Variants in UBR2 observed in about 807,000 individuals in gnomAD.
The protein encoded by UBR2 is E3 ubiquitin-protein ligase UBR2.
UBR2 carries 92 observed loss-of-function variants against 247.9 expected under a neutral mutation model. The ratio of observed to expected loss-of-function variants is 0.37; its 90% CI spans 0.31 to 0.44. The LOEUF (loss-of-function observed/expected upper bound fraction) is 0.44, where lower values mean the gene tolerates loss of function less well. UBR2 is among the 20% of genes least tolerant of loss of function. UBR2 has a pLI of 1.00. For missense variants in UBR2, 1,613 were observed against 2,112.6 expected (o/e 0.76, Z 4.64); for synonymous variants, 672 against 693.5 (o/e 0.97, Z 0.49).
intron 2 of UBR2, among the ~76,000 whole-genome samples, chr6:42,585,690 C>A (rs749632014): frequency 5.9e-5 from 9 of 152,060 alleles, no homozygotes; most frequent in Non-Finnish European, 1.2e-4. Flanking sequence ...GAATATATTT[C>A]ATCATATAAT....
At chr6:42,633,012 C>A (rs2151951599) in intron 13 of UBR2, 108 bp downstream of exon 13, 1 of 701,216 alleles carries the variant, frequency 1.4e-6, no homozygotes, top group Non-Finnish European at 2.1e-6. Flanking sequence ...GGGGGTCTCA[C>A]TGTGTTGCCC....
Position 42,573,672 on chromosome 6 carries a change from G to C in UBR2, c.79-62G>C, listed in dbSNP as rs961133673. 5.6e-6 allele frequency: 8 copies of C among 1,416,028 alleles called. No individual in the cohort carries two copies. The African/African-American group carries it at 1.2e-4, about 21-fold the overall frequency. 87.7% of individuals were successfully genotyped at this position (1,416,028 alleles called of 1,614,324 possible). A position where few individuals can be genotyped will look rare whatever the true frequency, so the allele number is the denominator to read the frequency against. On this transcript the variant is annotated intron_variant, in intron 1 of 46. Transcript: ENST00000372901. ...TTTTGTACCTAAAAGAAAGTAGGGTGAATTTGTTCAAATTAGTTTGTTGGT... is the reference window on the plus strand; with the variant it reads ...TTTTGTACCTAAAAGAAAGTAGGGTCAATTTGTTCAAATTAGTTTGTTGGT...
In UBR2 at chr6:42,644,551, TTTGAGGCA is replaced by T. The variant is rs750250380; in HGVS notation, c.2284+18_2284+25del. ...AATGCTTGTTGGTAAGTTTAAATTG[TTTGAGGCA>T]TTTAATAAATTACACTGACGTTTAT... On this transcript the variant is annotated intron_variant, in intron 20 of 46. Coordinates refer to ENST00000372901, the MANE Select transcript of UBR2 (RefSeq NM_001363705.2). 6 of 1,594,566 alleles carry T rather than the reference TTTGAGGCA, an allele frequency of 3.8e-6. No individual in the cohort carries two copies. The African/African-American group carries it at 8.1e-5, about 21-fold the overall frequency.
Position 42,631,872 on chromosome 6 carries a change from A to T in UBR2, c.1282-680A>T, listed in dbSNP as rs1349144316. On this transcript the variant is annotated intron_variant, in intron 11 of 46. Transcript: ENST00000372901. ...ATATACTCTGATTTTATATATATAT[A>T]TATATATATATATATATAAATACAG... Among the ~76,000 whole-genome samples, 167 of 133,522 alleles carry T rather than the reference A, an allele frequency of 1.3e-3. 2 individuals are homozygous for T. In the South Asian group the frequency reaches 0.033, roughly 27 times the overall value. 87.6% of individuals were successfully genotyped at this position (133,522 alleles called of 152,430 possible). A position where few individuals can be genotyped will look rare whatever the true frequency, so the allele number is the denominator to read the frequency against.
rs753657990 is a variant in UBR2 at position 42,642,499 on chromosome 6, T to C, written c.2097+18T>C. On this transcript the variant is annotated intron_variant, in intron 18 of 46. Coordinates refer to ENST00000372901, the MANE Select transcript of UBR2 (RefSeq NM_001363705.2). Reference sequence around the variant, plus strand: ...TGCTTCAGGTAATGAATTAAAAGCATTGAACTTAAAGGTTGTGGGGAATCT... The same window carrying C: ...TGCTTCAGGTAATGAATTAAAAGCACTGAACTTAAAGGTTGTGGGGAATCT... 1.9e-6 allele frequency: 3 copies of C among 1,597,554 alleles called. No homozygotes were observed. Among genetic ancestry groups the C allele is most frequent in the African/African-American group, 1.3e-5 (1 of 74,372 alleles).
In UBR2 at chr6:42,641,504, C is replaced by A. The variant is rs746565366; in HGVS notation, c.1921-78C>A. 5 of 1,021,136 alleles carry A rather than the reference C, an allele frequency of 4.9e-6. No homozygotes were observed. In the African/African-American group the frequency reaches 5.1e-5, roughly 10 times the overall value. The allele number at this position is 1,021,136 out of a possible 1,614,324, so 63.3% of individuals were successfully genotyped here. On this transcript the variant is annotated intron_variant, in intron 16 of 46. Coordinates refer to ENST00000372901, the MANE Select transcript of UBR2 (RefSeq NM_001363705.2). ...GTTTTATAAAAGCATTTATCTCTAT[C>A]GACCAAACTTCTTTTTAGAACTGAT...
intron 32 of UBR2, among the ~76,000 whole-genome samples, chr6:42,664,681 A>G (rs192690446): frequency 6.6e-6 from 1 of 152,240 alleles, no homozygotes; most frequent in Non-Finnish European, 1.5e-5. Context: ...ACTTATCTGC[A>G]TTTGAACTGA....
intron 30 of UBR2, among the ~76,000 whole-genome samples, chr6:42,661,387 C>A (rs1457432095): frequency 6.6e-6 from 1 of 152,096 alleles, no homozygotes; most frequent in Non-Finnish European, 1.5e-5. Flanking sequence ...GAAGAAAAAG[C>A]ATTAGCTGGC....
chr6:42,620,506 G>GTTTTTTT (rs1053036634), intron 11 of UBR2, among the ~76,000 whole-genome samples: 2 of 111,184 alleles, frequency 1.8e-5, no homozygotes, highest in East Asian at 5.6e-4. Flanking sequence ...TTTTGTTTTT[G>GTTTTTTT]TTTTTTTTTA....
chr6:42,575,130 C>T (rs776728643), intron 2 of UBR2, among the ~76,000 whole-genome samples: 14 of 152,200 alleles, frequency 9.2e-5, no homozygotes, highest in Non-Finnish European at 8.8e-5. Flanking sequence ...CATAGCTTAA[C>T]ATCTTTCCGT....
At chr6:42,685,014 G>T in intron 44 of UBR2, 143 bp downstream of exon 44, 1 of 653,004 alleles carries the variant, frequency 1.5e-6, no homozygotes, top group Non-Finnish European at 2.4e-6. Context: ...GAGAAAAAAG[G>T]AAAAAAAGAA....
chr6:42,679,208 C>T (rs960441372), intron 41 of UBR2, among the ~76,000 whole-genome samples: 1 of 152,204 alleles, frequency 6.6e-6, no homozygotes, highest in Non-Finnish European at 1.5e-5. Flanking sequence ...TGGCACTGGC[C>T]GTAGAGTACC....
intron 7 of UBR2, among the ~76,000 whole-genome samples, chr6:42,608,917 T>A (rs1793889206): frequency 1.3e-5 from 2 of 152,244 alleles, no homozygotes; most frequent in Admixed American, 6.5e-5. Context: ...TTGTATGTTT[T>A]ATGACTTGTT....
At chr6:42,608,162 G>A (rs1793837769) in intron 7 of UBR2, among the ~76,000 whole-genome samples, 1 of 152,032 alleles carries the variant, frequency 6.6e-6, no homozygotes, top group Non-Finnish European at 1.5e-5. Context: ...ACCAAGAAAT[G>A]GAATTTCTGA....
At chr6:42,639,436 TAAAAA>T (rs1205422714) in intron 15 of UBR2, among the ~76,000 whole-genome samples, 6 of 151,996 alleles carry the variant, frequency 3.9e-5, no homozygotes, top group African/African-American at 1.4e-4. Flanking sequence ...CTACTAAAAA[TAAAAA>T]AATTAGCTGG....
intron 4 of UBR2, among the ~76,000 whole-genome samples, chr6:42,598,798 C>T (rs1399867086): frequency 1.3e-5 from 2 of 152,086 alleles, no homozygotes; most frequent in African/African-American, 4.8e-5. Context: ...AAACAGCCTG[C>T]CTGTAGTAGC....
chr6:42,637,069 G>A lies in UBR2; in HGVS notation c.1733G>A (p.Gly578Asp), dbSNP rs780141170. ...CTCGCTGTACTGATGCAGTGTCATG[G>A]TGGTTATACTGATGGTGAACAGCCA... The part of the protein sequence containing the change: ...KCLAVLMQCH[G>D]GYTDGEQPIT... Residue 578 changes from glycine (G) to aspartate (D), a missense_variant, in exon 15 of 47, where the codon GGT becomes GAT. By Grantham distance (94) the Gly-to-Asp change is moderately conservative. This residue lies in a region of UBR2 where 1,524 missense variants were observed against 1,967.3 expected (regional missense o/e 0.77). Transcript: ENST00000372901. 7 of 1,614,106 alleles carry A rather than the reference G, an allele frequency of 4.3e-6. No individual in the cohort carries two copies. The highest frequency in any genetic ancestry group is 5.9e-6 in the Non-Finnish European group (7 of 1,179,990).
chr6:42,588,105 C>A (rs1350571754), intron 2 of UBR2, among the ~76,000 whole-genome samples: 1 of 152,194 alleles, frequency 6.6e-6, no homozygotes, highest in Non-Finnish European at 1.5e-5. Flanking sequence ...ACTTTAGACA[C>A]CAGTTGCAAT....
In UBR2 at chr6:42,655,638, C is replaced by T; in HGVS notation, c.2787C>T (p.Gly929=). The T allele has an allele frequency of 6.4e-7, 1 of 1,552,194 alleles. No homozygotes were observed. Among genetic ancestry groups the T allele is most frequent in the Admixed American group, 2.3e-5 (1 of 42,692 alleles). ...SMLQRVLHLI[G]MALQEEKQHL... ...TATTCAAGGTGTTACATTTAATTGG[C>T]ATGGCACTACAAGAAGAAAAACAAC... The change falls in exon 26 of 47, where the codon GGC becomes GGT. Residue 929 remains glycine, a synonymous_variant. Transcript: ENST00000372901.
Sources: gnomAD v4.1 joint callset for allele counts (sites outside exome capture counted in the v4.1 genomes callset) on GRCh38, gnomAD v4.1.1 for gene constraint, gnomAD v4.1.1 regional missense constraint, MANE v1.5 for transcripts, NCBI Gene and HGNC (gene_info 2026-07-23, HGNC 2026-07-21) for gene names.